The following NBAS variants were observed in gnomAD, a reference collection of about 807,000 sequenced individuals.
NBAS encodes NBAS subunit of NRZ tethering complex.
A neutral mutation model predicts 302.5 loss-of-function variants in NBAS; 219 were observed. The observed-to-expected ratio is 0.72, with a 90% CI of 0.65 to 0.81. The LOEUF (loss-of-function observed/expected upper bound fraction) is 0.81. Ranked by LOEUF, NBAS falls within the 30% of genes least tolerant of loss-of-function variation. The pLI, the probability that NBAS is intolerant of heterozygous loss-of-function variation, is 0.00. For missense variants in NBAS, 2,932 were observed against 2,841.6 expected (o/e 1.03, Z -0.72); for synonymous variants, 1,118 against 1,021.6 (o/e 1.09, Z -1.80).
At position 15,289,351 on chromosome 2, in the gene NBAS, C is replaced by T. The variant is rs115508130; in HGVS notation, c.5028-2168G>A. On this transcript the variant is annotated intron_variant, in intron 41 of 51. Coordinates refer to ENST00000281513, the MANE Select transcript of NBAS (RefSeq NM_015909.4). ...TCCTGGCCTCAAGCATTCCTCTCAC[C>T]TTGGCCTCCCAAAGTGCTGGGATTA... Among the ~76,000 whole-genome samples, 1,271 of 152,284 alleles carry T rather than the reference C, an allele frequency of 8.3e-3. 15 individuals carry two copies. Among genetic ancestry groups the T allele is most frequent in the Non-Finnish European group, 0.014 (946 of 68,018 alleles).
chr2:15,009,799 G>C, the NBAS span, among the ~76,000 whole-genome samples: 1 of 151,458 alleles, frequency 6.6e-6, no homozygotes, highest in Non-Finnish European at 1.5e-5. Context: ...TTCCCATAGA[G>C]CGATTCCCCA....
the NBAS span, among the ~76,000 whole-genome samples, chr2:14,814,968 A>G: frequency 6.6e-6 from 1 of 152,120 alleles, no homozygotes; most frequent in Non-Finnish European, 1.5e-5. Context: ...TGGTTATTTA[A>G]AAATGTGTAG....
intron 48 of NBAS, among the ~76,000 whole-genome samples, chr2:15,196,674 T>G (rs902272344): frequency 1.3e-5 from 2 of 152,182 alleles, no homozygotes; most frequent in Non-Finnish European, 2.9e-5. Flanking sequence ...GTGACATAAT[T>G]TGTATAAAGC....
chr2:14,899,700 G>A, the NBAS span, among the ~76,000 whole-genome samples: 2 of 151,156 alleles, frequency 1.3e-5, no homozygotes, highest in Admixed American at 1.3e-4. Context: ...AAACACTTCT[G>A]CCCATTCTTT....
At chr2:15,494,121 G>A (rs568196374) in intron 11 of NBAS, among the ~76,000 whole-genome samples, 1 of 152,268 alleles carries the variant, frequency 6.6e-6, no homozygotes, top group South Asian at 2.1e-4. Flanking sequence ...ACCCCACCCA[G>A]CCACAATTTT....
chr2:15,485,497 T>C lies in NBAS; in HGVS notation c.1083+3397A>G, dbSNP rs529582289. Among the ~76,000 whole-genome samples the C allele has an allele frequency of 5.6e-4, 86 of 152,320 alleles. No individual in the cohort carries two copies. The South Asian group carries it at 7.9e-3, about 14-fold the overall frequency. On this transcript the variant is annotated intron_variant, in intron 12 of 51. Coordinates refer to ENST00000281513, the MANE Select transcript of NBAS (RefSeq NM_015909.4). The stretch of plus-strand genomic sequence containing the variant: ...TATGTATTTCTTTCCCACACAGTCA[T>C]GGAAAGAACATATGCATCAGTGTCA...
At chr2:15,449,944 A>T (rs1170602031) in intron 21 of NBAS, among the ~76,000 whole-genome samples, 4 of 152,190 alleles carry the variant, frequency 2.6e-5, no homozygotes, top group Non-Finnish European at 5.9e-5. Context: ...TTGATTAGGT[A>T]ACTAATCAAG....
At chr2:15,175,395 C>T (rs941915764) in intron 51 of NBAS, among the ~76,000 whole-genome samples, 3 of 152,070 alleles carry the variant, frequency 2.0e-5, no homozygotes, top group Admixed American at 6.6e-5. Flanking sequence ...GAGCAGGAGC[C>T]GTTACAAATC....
At chr2:14,925,808 T>C in the NBAS span, among the ~76,000 whole-genome samples, 1 of 152,230 alleles carries the variant, frequency 6.6e-6, no homozygotes, top group Non-Finnish European at 1.5e-5. Context: ...CTGTGACTTA[T>C]TATACTTTGT....
At chr2:15,389,250 T>G (rs376732033) in intron 28 of NBAS, among the ~76,000 whole-genome samples, 14 of 152,364 alleles carry the variant, frequency 9.2e-5, no homozygotes, top group African/African-American at 3.4e-4. Flanking sequence ...AACCAGCTTA[T>G]GTAATACAAC....
chr2:14,966,363 T>C, the NBAS span, among the ~76,000 whole-genome samples: 1 of 152,218 alleles, frequency 6.6e-6, no homozygotes, highest in Non-Finnish European at 1.5e-5. Flanking sequence ...TTAACACACT[T>C]GTTAAAAATA....
At chr2:15,222,966 T>C (rs60333449) in intron 47 of NBAS, among the ~76,000 whole-genome samples, 4,818 of 152,324 alleles carry the variant, frequency 0.032, 260 homozygotes, top group African/African-American at 0.11. Context: ...TCATTTTGTG[T>C]TGATAGTTCA....
chr2:15,165,259 CG>C (rs1184590347), downstream of NBAS, among the ~76,000 whole-genome samples: 3 of 152,342 alleles, frequency 2.0e-5, no homozygotes, highest in African/African-American at 7.2e-5. Flanking sequence ...CCCACACCAT[CG>C]GACATAGGCG....
At chr2:15,037,469 A>G in the NBAS span, among the ~76,000 whole-genome samples, 9 of 152,206 alleles carry the variant, frequency 5.9e-5, no homozygotes, top group Non-Finnish European at 1.2e-4. Flanking sequence ...AGCACCCCAC[A>G]GTGTACAAAA....
intron 51 of NBAS, among the ~76,000 whole-genome samples, chr2:15,170,800 T>C (rs373011146): frequency 6.6e-5 from 10 of 152,222 alleles, no homozygotes; most frequent in African/African-American, 1.9e-4. Flanking sequence ...TTCCAACAAG[T>C]ACATTTTAAA....
intron 41 of NBAS, among the ~76,000 whole-genome samples, chr2:15,289,875 T>C (rs1349583242): frequency 6.6e-6 from 1 of 152,098 alleles, no homozygotes; most frequent in African/African-American, 2.4e-5. Flanking sequence ...CATGCACCTG[T>C]AGTCCCAGCT....
the NBAS span, among the ~76,000 whole-genome samples, chr2:15,024,695 G>C: frequency 6.6e-6 from 1 of 152,144 alleles, no homozygotes; most frequent in Non-Finnish European, 1.5e-5. Context: ...CATTGTGTTT[G>C]ATTTGCATTT....
chr2:15,411,590 G>A (rs1271972920), intron 25 of NBAS, among the ~76,000 whole-genome samples: 2 of 152,112 alleles, frequency 1.3e-5, no homozygotes, highest in Non-Finnish European at 2.9e-5. Context: ...AAAAGGTCAT[G>A]TTCAAACTAA....
intron 29 of NBAS, among the ~76,000 whole-genome samples, chr2:15,382,351 A>G (rs975852237): frequency 1.3e-5 from 2 of 152,212 alleles, no homozygotes; most frequent in African/African-American, 4.8e-5. Flanking sequence ...ACTAGGGGAT[A>G]TGAGAGTTCA....
Sources: gnomAD v4.1 joint callset for allele counts (sites outside exome capture counted in the v4.1 genomes callset) on GRCh38, gnomAD v4.1.1 for gene constraint, MANE v1.5 for transcripts, NCBI Gene and HGNC (gene_info 2026-07-23, HGNC 2026-07-21) for gene names.